EVC: variants seen among roughly 807,000 people sequenced by gnomAD.
EVC encodes EvC ciliary complex subunit 1.
EVC carries 116 observed loss-of-function variants against 118.9 expected under a neutral mutation model. The observed-to-expected ratio is 0.98, with a 90% confidence interval of 0.84 to 1.14. The LOEUF is 1.14. Ranked by LOEUF, EVC falls within the 50% of genes most tolerant of loss-of-function variation. EVC has a pLI of 0.00. For synonymous variants in EVC, 619 were observed against 534.7 expected, an observed-to-expected ratio of 1.16 and a Z score of -2.18; for missense variants, 1,401 against 1,246.4, an observed-to-expected ratio of 1.12 and a Z score of -1.87.
intron 13 of EVC, among the ~76,000 whole-genome samples, chr4:5,794,278 T>C (rs1362632172): frequency 4.5e-4 from 64 of 141,926 alleles, no homozygotes; most frequent in South Asian, 4.2e-3. Flanking sequence ...TTTATATATA[T>C]TTATATATAT....
chr4:5,769,568 A>G (rs4689308), intron 11 of EVC, among the ~76,000 whole-genome samples: 69,292 of 151,746 alleles, frequency 0.46, 16,165 homozygotes, highest in Middle Eastern at 0.59. Flanking sequence ...GGCACCTCAC[A>G]AACAGGTTGC....
chr4:5,787,507 A>G (rs1044040196), intron 12 of EVC, among the ~76,000 whole-genome samples: 2 of 152,182 alleles, frequency 1.3e-5, no homozygotes, highest in African/African-American at 4.8e-5. Context: ...GAGCCCGGGA[A>G]TGCAAGTGCC....
chr4:5,825,988 G>A, the EVC span: 1 of 377,848 alleles, frequency 2.6e-6, no homozygotes, highest in Non-Finnish European at 4.8e-6. This position sits in a 1 kb window ranked among gnomAD's most constrained non-coding sequence, Gnocchi z 4.4. Flanking sequence ...GGCCTACACA[G>A]TAGCATACAC....
At chr4:5,796,690 T>C (rs1356731454) in intron 13 of EVC, among the ~76,000 whole-genome samples, 2 of 151,854 alleles carry the variant, frequency 1.3e-5, no homozygotes, top group Non-Finnish European at 2.9e-5. Context: ...ATCACTGAAA[T>C]AGGAACTCAA....
At chr4:5,816,323 C>T (rs1031089035), downstream of EVC, among the ~76,000 whole-genome samples, 19 of 152,170 alleles carry the variant, frequency 1.2e-4, no homozygotes, top group African/African-American at 2.7e-4. Flanking sequence ...GGAGCAAAAA[C>T]GACCAACATC....
At position 5,738,843 on chromosome 4, in the gene EVC, G is replaced by A. The variant is rs1261800921; in HGVS notation, c.703-2873G>A. Among the ~76,000 whole-genome samples, 2 of 151,960 alleles carry A rather than the reference G, an allele frequency of 1.3e-5. No individual in the cohort carries two copies. Among genetic ancestry groups the A allele is most frequent in the Non-Finnish European group, 2.9e-5 (2 of 68,004 alleles). On this transcript the variant is annotated intron_variant, in intron 5 of 20. Coordinates refer to ENST00000264956, the MANE Select transcript of EVC (RefSeq NM_153717.3). The surrounding 1 kb of genome is among the most constrained non-coding windows in gnomAD (Gnocchi z 6.5). ...CGCCTCCCAAAGTGCTGGGATTACGGGTGTGAGCCACCGCACCCAGCCCAA... is the reference window on the plus strand; with the variant it reads ...CGCCTCCCAAAGTGCTGGGATTACGAGTGTGAGCCACCGCACCCAGCCCAA...
chr4:5,722,241 A>T (rs1235093953), intron 2 of EVC, among the ~76,000 whole-genome samples: 1 of 152,124 alleles, frequency 6.6e-6, no homozygotes, highest in Admixed American at 6.5e-5. Context: ...ATAAGTGCTC[A>T]ATCAGTGTTT....
rs1205744017 is a variant in EVC at position 5,756,496 on chromosome 4, A to C, written c.1563+134A>C. 1 of 748,750 alleles carries C rather than the reference A, an allele frequency of 1.3e-6. No individual in the cohort carries two copies. The highest frequency in any genetic ancestry group is 1.7e-5 in the African/African-American group (1 of 58,182). The allele number at this position is 748,750 out of a possible 1,614,324, so 46.4% of individuals were successfully genotyped here. A position where few individuals can be genotyped will look rare whatever the true frequency, so the allele number is the denominator to read the frequency against. ...GCACTCATTGGCCGGTGATCCACGC[A>C]GGCTGTGTCCCCTCCATGCGATCCT... On this transcript the variant is annotated intron_variant, in intron 11 of 20. Coordinates refer to ENST00000264956, the MANE Select transcript of EVC (RefSeq NM_153717.3). The surrounding 1 kb of genome is among the most constrained non-coding windows in gnomAD (Gnocchi z 4.2).
In EVC at chr4:5,781,841, A is replaced by G. The variant is rs972976169; in HGVS notation, c.1564-1711A>G. Among the ~76,000 whole-genome samples, 16 of 152,226 alleles carry G rather than the reference A, an allele frequency of 1.1e-4. 1 individual carries two copies. The highest frequency in any genetic ancestry group is 9.2e-4 in the Admixed American group (14 of 15,288). ...GGAGATCCTGTCTCAAAACAAAACA[A>G]AAAGCATCTGCACAATGAAACATGC... On this transcript the variant is annotated intron_variant, in intron 11 of 20. Transcript: ENST00000264956.
chr4:5,825,673 G>A, the EVC span: 2 of 1,611,984 alleles, frequency 1.2e-6, no homozygotes, highest in East Asian at 2.2e-5. This position sits in a 1 kb window ranked among gnomAD's most constrained non-coding sequence, Gnocchi z 4.4. Flanking sequence ...AACAGAGGAA[G>A]GGAGAGTGTG....
At chr4:5,745,177 GC>G in intron 6 of EVC, 26 bp from the exon 7 acceptor site, 1 of 1,607,146 alleles carries the variant, frequency 6.2e-7, no homozygotes, top group African/African-American at 1.4e-5. Flanking sequence ...TTGTTTATTT[GC>G]TTTCTTTTTT....
intron 12 of EVC, among the ~76,000 whole-genome samples, chr4:5,788,526 C>T (rs2152309691): frequency 6.6e-6 from 1 of 152,314 alleles, no homozygotes; most frequent in East Asian, 1.9e-4. Flanking sequence ...TCAAAAACAG[C>T]CGTTGCTCTT....
chr4:5,818,949 T>G (rs934093265), downstream of EVC, among the ~76,000 whole-genome samples: 4 of 152,160 alleles, frequency 2.6e-5, no homozygotes, highest in Middle Eastern at 3.2e-3. Context: ...CCTTCACCCA[T>G]TGTTCAACAT....
At chr4:5,783,498 C>G in intron 11 of EVC, 54 bp from the exon 12 acceptor site, 1 of 1,565,342 alleles carries the variant, frequency 6.4e-7, no homozygotes, top group Non-Finnish European at 8.8e-7. Flanking sequence ...CAGCTCAGGC[C>G]CCACACAGGG....
chr4:5,759,797 A>G (rs1488318274), intron 11 of EVC, among the ~76,000 whole-genome samples: 3 of 152,182 alleles, frequency 2.0e-5, no homozygotes, highest in Non-Finnish European at 4.4e-5. Context: ...TTATTTTGCC[A>G]AGGTTGAGGC....
At chr4:5,785,132 C>G (rs940923908) in intron 12 of EVC, among the ~76,000 whole-genome samples, 1 of 152,168 alleles carries the variant, frequency 6.6e-6, no homozygotes, top group African/African-American at 2.4e-5. Flanking sequence ...TTTCCTGATA[C>G]CAGAGCCGGT....
rs1560309621 is a variant in EVC, at chr4:5,738,946, G to T, written c.703-2770G>T. Among the ~76,000 whole-genome samples, 1 of 152,078 alleles carries T rather than the reference G, an allele frequency of 6.6e-6. No homozygotes were observed. Among genetic ancestry groups the T allele is most frequent in the Non-Finnish European group, 1.5e-5 (1 of 68,010 alleles). On this transcript the variant is annotated intron_variant, in intron 5 of 20. Transcript: ENST00000264956. The surrounding 1 kb of genome is among the most constrained non-coding windows in gnomAD (Gnocchi z 6.5). ...GGAAGAAGTTATTTTTAAAATTAAGGTATGTACTTTTTTAGACATACTGCT... is the reference window on the plus strand; with the variant it reads ...GGAAGAAGTTATTTTTAAAATTAAGTTATGTACTTTTTTAGACATACTGCT...
chr4:5,764,651 A>C, intron 11 of EVC, among the ~76,000 whole-genome samples: 1 of 144,522 alleles, frequency 6.9e-6, no homozygotes, highest in Non-Finnish European at 1.5e-5. Context: ...GTGTTGAGGA[A>C]TTTATCCATT....
intron 11 of EVC, among the ~76,000 whole-genome samples, chr4:5,759,708 T>C (rs62300393): frequency 0.054 from 8,191 of 152,252 alleles, 273 homozygotes; most frequent in South Asian, 0.075. Context: ...CTATCAATGA[T>C]TGCTGCAAAG....
Sources: allele counts gnomAD v4.1 joint callset (sites outside exome capture counted in the v4.1 genomes callset), GRCh38; gene constraint gnomAD v4.1.1; non-coding constraint Gnocchi (gnomAD v3.1); transcripts MANE v1.5; gene names NCBI Gene and HGNC (gene_info 2026-07-23, HGNC 2026-07-21).